The following WDFY3 variants were observed in gnomAD, a reference collection of about 807,000 sequenced individuals.
The protein encoded by WDFY3 is WD repeat and FYVE domain containing 3.
A neutral mutation model predicts 409.6 loss-of-function variants in WDFY3; 66 were observed. The observed-to-expected ratio is 0.16, with a 90% CI of 0.13 to 0.20. The LOEUF (loss-of-function observed/expected upper bound fraction) is 0.20. Ranked by LOEUF, WDFY3 falls within the 10% of genes least tolerant of loss-of-function variation. The pLI, the probability that WDFY3 is intolerant of heterozygous loss-of-function variation, is 1.00. For synonymous variants in WDFY3, 1,521 were observed against 1,537.1 expected (o/e 0.99, Z 0.25); for missense variants, 3,031 against 4,298.1 (o/e 0.71, Z 8.24).
chr4:84,773,878 G>A (rs113696229), intron 29 of WDFY3, among the ~76,000 whole-genome samples: 29 of 152,192 alleles, frequency 1.9e-4, no homozygotes, highest in Non-Finnish European at 3.5e-4. Context: ...CCACCACCAT[G>A]CCTGGCTAAT....
intron 55 of WDFY3, among the ~76,000 whole-genome samples, chr4:84,703,793 T>C (rs1731476980): frequency 6.6e-6 from 1 of 152,252 alleles, no homozygotes; most frequent in Non-Finnish European, 1.5e-5. Flanking sequence ...TCTGGACCTA[T>C]ATCTTTCTGA....
intron 4 of WDFY3, among the ~76,000 whole-genome samples, chr4:84,850,480 C>T (rs1480577497): frequency 2.6e-5 from 4 of 151,992 alleles, no homozygotes; most frequent in Non-Finnish European, 5.9e-5. Flanking sequence ...TCATGCCTGG[C>T]TAATTTTTGT....
At chr4:84,935,864 T>C (rs1225569404) in intron 1 of WDFY3, among the ~76,000 whole-genome samples, 3 of 152,188 alleles carry the variant, frequency 2.0e-5, no homozygotes, top group Admixed American at 1.3e-4. Context: ...ATGATTTCAG[T>C]ACATTCTAAC....
intron 2 of WDFY3, among the ~76,000 whole-genome samples, chr4:84,906,176 G>T (rs745591026): frequency 1.1e-4 from 17 of 152,010 alleles, no homozygotes; most frequent in Non-Finnish European, 1.9e-4. Context: ...TAGACTAAAA[G>T]GACTTTAATT....
intron 43 of WDFY3, among the ~76,000 whole-genome samples, chr4:84,734,183 T>C (rs1737056160): frequency 6.6e-6 from 1 of 152,224 alleles, no homozygotes; most frequent in South Asian, 2.1e-4. Context: ...GCCACTGGGA[T>C]AGATCCAAAC....
At chr4:84,864,387 AAAG>A (rs1427860059) in intron 3 of WDFY3, among the ~76,000 whole-genome samples, 8 of 151,622 alleles carry the variant, frequency 5.3e-5, no homozygotes, top group Non-Finnish European at 1.2e-4. Context: ...AAAAAAAAAA[AAAG>A]AACAAGAATG....
chr4:84,813,367 T>C (rs1485870264), intron 13 of WDFY3, among the ~76,000 whole-genome samples: 1 of 152,188 alleles, frequency 6.6e-6, no homozygotes, highest in Non-Finnish European at 1.5e-5. Context: ...CGTACAATCA[T>C]AATTAAAAAT....
At chr4:84,892,844 G>C (rs966306424) in intron 3 of WDFY3, among the ~76,000 whole-genome samples, 1 of 152,152 alleles carries the variant, frequency 6.6e-6, no homozygotes, top group African/African-American at 2.4e-5. Flanking sequence ...AGTAAGCTTT[G>C]GAAATAGAAT....
intron 2 of WDFY3, among the ~76,000 whole-genome samples, chr4:84,910,098 GTACATA>G (rs1321317944): frequency 1.3e-5 from 2 of 152,054 alleles, no homozygotes; most frequent in Non-Finnish European, 2.9e-5. Flanking sequence ...TACTAAACAT[GTACATA>G]TTTTTTCTTG....
rs1475939795 is a variant in WDFY3 at position 84,737,219 on chromosome 4, T to G, written c.6722A>C (p.Glu2241Ala). ...CTGCCAGCACTTCAGGGCAGCTTCT[T>G]CAATGAGTGGCCTTGCTGTAGCTAT... ...VDIATARPLI[E>A]EAALKCWQNH... Residue 2241 changes from glutamate (E) to alanine (A), a missense_variant, in exon 41 of 68, where the codon GAA (glutamate) becomes GCA (alanine). Coordinates refer to ENST00000295888, the MANE Select transcript of WDFY3 (RefSeq NM_014991.6). The G allele has an allele frequency of 2.5e-6, 4 of 1,614,050 alleles. No homozygotes were observed. The highest frequency in any genetic ancestry group is 1.3e-5 in the African/African-American group (1 of 74,924).
At chr4:84,890,557 T>C (rs2150504493) in intron 3 of WDFY3, among the ~76,000 whole-genome samples, 1 of 152,342 alleles carries the variant, frequency 6.6e-6, no homozygotes, top group South Asian at 2.1e-4. Flanking sequence ...TGCCTGGTCA[T>C]AATAGTTACA....
intron 36 of WDFY3, among the ~76,000 whole-genome samples, chr4:84,744,650 G>A (rs1193737060): frequency 2.6e-5 from 4 of 151,260 alleles, no homozygotes; most frequent in Admixed American, 6.6e-5. Flanking sequence ...TCAGGAGATC[G>A]AGGCCATCCC....
intron 2 of WDFY3, among the ~76,000 whole-genome samples, chr4:84,905,534 C>T (rs1055649081): frequency 5.3e-5 from 8 of 152,108 alleles, no homozygotes; most frequent in Admixed American, 3.9e-4. Flanking sequence ...TTTTCTCTCC[C>T]AACACTTTAG....
intron 1 of WDFY3, among the ~76,000 whole-genome samples, chr4:84,945,033 G>T (rs1179807619): frequency 6.6e-6 from 1 of 151,988 alleles, no homozygotes; most frequent in African/African-American, 2.4e-5. Context: ...CTCACAACAG[G>T]GTCACAGCCT....
intron 2 of WDFY3, among the ~76,000 whole-genome samples, chr4:84,906,557 T>G (rs1767068517): frequency 6.6e-6 from 1 of 152,144 alleles, no homozygotes; most frequent in Admixed American, 6.5e-5. Context: ...CACAGGAAAT[T>G]GGCTCCAGGA....
chr4:84,858,948 G>T (rs749756402), intron 4 of WDFY3, among the ~76,000 whole-genome samples: 1 of 151,928 alleles, frequency 6.6e-6, no homozygotes, highest in Non-Finnish European at 1.5e-5. Context: ...TGATGGAGAA[G>T]AGAAAGAGAG....
rs570280566 is a variant in WDFY3 at position 84,840,798 on chromosome 4, C to T, written c.414+356G>A. ...GTCTCTCTATGTTGCCCAGACTGGT[C>T]TCGAATTTCCGGGCTCAAGCAATCT... On this transcript the variant is annotated intron_variant, in intron 6 of 67. Transcript: ENST00000295888. Among the ~76,000 whole-genome samples the T allele has an allele frequency of 4.0e-5, 6 of 150,220 alleles. No individual in the cohort carries two copies. In the East Asian group the frequency reaches 9.8e-4, roughly 25 times the overall value.
chr4:84,846,477 A>T (rs1758092422), intron 5 of WDFY3, among the ~76,000 whole-genome samples: 1 of 151,924 alleles, frequency 6.6e-6, no homozygotes. Context: ...ATGTAAAATC[A>T]TAAAGGGAGT....
At chr4:84,885,647 A>C (rs1022217804) in intron 3 of WDFY3, among the ~76,000 whole-genome samples, 3 of 152,216 alleles carry the variant, frequency 2.0e-5, no homozygotes, top group Non-Finnish European at 4.4e-5. Flanking sequence ...GAAGGCCATT[A>C]AACACAGAGG....
Sources: gnomAD v4.1 joint callset for allele counts (sites outside exome capture counted in the v4.1 genomes callset) on GRCh38, gnomAD v4.1.1 for gene constraint, MANE v1.5 for transcripts, NCBI Gene and HGNC (gene_info 2026-07-23, HGNC 2026-07-21) for gene names.